Variants in SPRYD4 observed in about 807,000 individuals in gnomAD.
SPRYD4 encodes the protein SPRY domain-containing protein 4.
A neutral mutation model predicts 16.6 loss-of-function variants in SPRYD4; 12 were observed. The observed-to-expected ratio is 0.72, with a 90% CI of 0.46 to 1.17. SPRYD4 has a LOEUF of 1.17. Among genes scored for constraint, SPRYD4 ranks in the 50% most tolerant of loss-of-function variants. The pLI is 0.00. For synonymous variants in SPRYD4, 98 were observed against 105.4 expected (o/e 0.93, Z 0.43); for missense variants, 260 against 260.2 (o/e 1.00, Z 0.00).
rs1471827078 is a variant in SPRYD4 at position 56,474,951 on chromosome 12, T to C, written c.*5374T>C. 1 of 1,613,738 alleles carries C rather than the reference T, an allele frequency of 6.2e-7. No individual in the cohort carries two copies. ...CTTCAGGACATCAGCCCTTTCACACTGTCAGGGTCTCAGCTGAAGCCCCCA... is the reference window on the plus strand; with the variant it reads ...CTTCAGGACATCAGCCCTTTCACACCGTCAGGGTCTCAGCTGAAGCCCCCA... On this transcript the variant is annotated 3_prime_UTR_variant, in exon 2 of 2. Coordinates refer to ENST00000338146, the MANE Select transcript of SPRYD4 (RefSeq NM_207344.4).
intron 1 of SPRYD4, 87 bp from the exon 2 acceptor site, chr12:56,468,952 C>G: frequency 6.8e-7 from 1 of 1,471,926 alleles, no homozygotes; most frequent in Non-Finnish European, 9.1e-7. Flanking sequence ...GCTCGTGTAT[C>G]ATGGCTGCCT....
chr12:56,471,476 A>G lies in SPRYD4; in HGVS notation c.*1899A>G, dbSNP rs200085507. 3.5e-4 allele frequency: 568 copies of G among 1,607,968 alleles called. No individual in the cohort carries two copies. In the Middle Eastern group the frequency reaches 3.5e-3, roughly 10 times the overall value. On this transcript the variant is annotated 3_prime_UTR_variant, in exon 2 of 2. Transcript: ENST00000338146. ...GCTTTTTCTTGAGCAGGGGCTGTCC[A>G]TGACCTGTGCTCATACCATGCTTTC...
chr12:56,472,440 AGGCAGGGTACCTACTTCCT>A lies in SPRYD4; in HGVS notation c.*2864_*2882del, dbSNP rs2136177592. On this transcript the variant is annotated 3_prime_UTR_variant, in exon 2 of 2. Transcript: ENST00000338146. The stretch of plus-strand genomic sequence containing the variant: ...CCTACCTGTGGTAAGTGCCCATTTG[AGGCAGGGTACCTACTTCCT>A]AGGACACTGCTCTTAACACTCAATA... 3.3e-6 allele frequency: 2 copies of A among 604,240 alleles called. No individual in the cohort carries two copies. The highest frequency in any genetic ancestry group is 5.5e-5 in the East Asian group (2 of 36,086). The allele number at this position is 604,240 out of a possible 1,614,324, so 37.4% of individuals were successfully genotyped here.
rs367693663 is a variant in SPRYD4, at chr12:56,475,707, G to A, written c.*6130G>A. On this transcript the variant is annotated 3_prime_UTR_variant, in exon 2 of 2. Coordinates refer to ENST00000338146, the MANE Select transcript of SPRYD4 (RefSeq NM_207344.4). ...CCTGGAAGAGAAAAAGGGACATTGA[G>A]GCTCCACTTGGTTAAGAAGCTCTAT... 2.5e-6 allele frequency: 4 copies of A among 1,613,366 alleles called. No homozygotes were observed. The highest frequency in any genetic ancestry group is 2.2e-5 in the East Asian group (1 of 44,900).
At position 56,475,554 on chromosome 12, in the gene SPRYD4, C is replaced by T. The variant is rs553166920; in HGVS notation, c.*5977C>T. 3.1e-5 allele frequency: 47 copies of T among 1,511,438 alleles called. No individual in the cohort carries two copies. The East Asian group carries it at 6.8e-4, about 22-fold the overall frequency. 93.6% of individuals were successfully genotyped at this position (1,511,438 alleles called of 1,614,324 possible). ...CTAAGATTCTCTCTCCCCCATTCCTCTTGTCCCCATCCTAAGTACACACAC... is the reference window on the plus strand; with the variant it reads ...CTAAGATTCTCTCTCCCCCATTCCTTTTGTCCCCATCCTAAGTACACACAC... On this transcript the variant is annotated 3_prime_UTR_variant, in exon 2 of 2. Coordinates refer to ENST00000338146, the MANE Select transcript of SPRYD4 (RefSeq NM_207344.4).
At position 56,472,126 on chromosome 12, in the gene SPRYD4, T is replaced by C. The variant is rs764372358; in HGVS notation, c.*2549T>C. 6.2e-7 allele frequency: 1 copy of C among 1,614,166 alleles called. No individual in the cohort carries two copies. Among genetic ancestry groups the C allele is most frequent in the Non-Finnish European group, 8.5e-7 (1 of 1,179,990 alleles). ...TCCTTAACCCTTCAGTACCTTCAGCTGCAGCAACATGCAGAGCTGTGCGCG... is the reference window on the plus strand; with the variant it reads ...TCCTTAACCCTTCAGTACCTTCAGCCGCAGCAACATGCAGAGCTGTGCGCG... On this transcript the variant is annotated 3_prime_UTR_variant, in exon 2 of 2. Coordinates refer to ENST00000338146, the MANE Select transcript of SPRYD4 (RefSeq NM_207344.4).
chr12:56,474,726 AAAAC>A lies in SPRYD4; in HGVS notation c.*5153_*5156del, dbSNP rs750942700. 1.9e-5 allele frequency: 30 copies of A among 1,608,418 alleles called. 1 individual carries two copies. In the Admixed American group the frequency reaches 3.2e-4, roughly 17 times the overall value. On this transcript the variant is annotated 3_prime_UTR_variant, in exon 2 of 2. Coordinates refer to ENST00000338146, the MANE Select transcript of SPRYD4 (RefSeq NM_207344.4). ...GTGACCTCCACAGAACACAGCTATG[AAAAC>A]AAAGAATAGGTGAAGATGTGACGTG...
At chr12:56,468,987 G>A in intron 1 of SPRYD4, 52 bp from the exon 2 acceptor site, 2 of 1,513,812 alleles carry the variant, frequency 1.3e-6, no homozygotes, top group Non-Finnish European at 1.8e-6. Context: ...TATATCACCA[G>A]CCCTAGGGTT....
At position 56,468,625 on chromosome 12, in the gene SPRYD4, T is replaced by C. The variant is rs1869099061; in HGVS notation, c.34T>C (p.Cys12Arg). 3 of 1,613,872 alleles carry C rather than the reference T, an allele frequency of 1.9e-6. No homozygotes were observed. The South Asian group carries it at 3.3e-5, about 18-fold the overall frequency. Residue 12 changes from cysteine (C) to arginine (R), a missense_variant, in exon 1 of 2, where the codon TGC (cysteine) becomes CGC (arginine). Transcript: ENST00000338146. ...GCTTTTTGCACGTTCTTTGCGCTTG[T>C]GCCGCTGGGGAGCCAAACGATTGGG... Reference protein sequence around the residue: ...ALLFARSLRLCRWGAKRLGVA... With the variant: ...ALLFARSLRLRRWGAKRLGVA...
In SPRYD4 at chr12:56,475,944, C is replaced by A. The variant is rs372265724; in HGVS notation, c.*6367C>A. On this transcript the variant is annotated 3_prime_UTR_variant, in exon 2 of 2. Transcript: ENST00000338146. Reference sequence around the variant, plus strand: ...AGGGGCTAAGTAGCAAGGGAACTTACAAAATCAAACTTCTCTGCTTTGTTA... The same window carrying A: ...AGGGGCTAAGTAGCAAGGGAACTTAAAAAATCAAACTTCTCTGCTTTGTTA... 1 of 1,613,724 alleles carries A rather than the reference C, an allele frequency of 6.2e-7. No individual in the cohort carries two copies. The highest frequency in any genetic ancestry group is 8.5e-7 in the Non-Finnish European group (1 of 1,179,946).
chr12:56,479,148 C>G lies in SPRYD4; in HGVS notation c.*9571C>G. 6 of 1,614,026 alleles carry G rather than the reference C, an allele frequency of 3.7e-6. No individual in the cohort carries two copies. Among genetic ancestry groups the G allele is most frequent in the Non-Finnish European group, 5.1e-6 (6 of 1,180,028 alleles). On this transcript the variant is annotated 3_prime_UTR_variant, in exon 2 of 2. Coordinates refer to ENST00000338146, the MANE Select transcript of SPRYD4 (RefSeq NM_207344.4). ...GAATGACAAACTTCTTTCGGAATGC[C>G]TGGGTCAGGAGCACAATGTTGCTGC... is the stretch of plus-strand genomic sequence containing the variant.
In SPRYD4 at chr12:56,475,834, T is replaced by TA; in HGVS notation, c.*6258dup. On this transcript the variant is annotated 3_prime_UTR_variant, in exon 2 of 2. Transcript: ENST00000338146. ...TCCACATTTCTGGAAATAAGGCTTC[T>TA]AGTATGGGCTGGTGCACCTGGTAGT... The TA allele has an allele frequency of 7.1e-7, 1 of 1,407,852 alleles. No homozygotes were observed. The highest frequency in any genetic ancestry group is 1.2e-5 in the South Asian group (1 of 86,142). 87.2% of individuals were successfully genotyped at this position (1,407,852 alleles called of 1,614,324 possible).
Position 56,474,516 on chromosome 12 carries a change from CAGAT to C in SPRYD4, c.*4940_*4943del, listed in dbSNP as rs777007837. 36 of 1,612,430 alleles carry C rather than the reference CAGAT, an allele frequency of 2.2e-5. No homozygotes were observed. Among genetic ancestry groups the C allele is most frequent in the Admixed American group, 1.2e-4 (7 of 59,998 alleles). On this transcript the variant is annotated 3_prime_UTR_variant, in exon 2 of 2. Coordinates refer to ENST00000338146, the MANE Select transcript of SPRYD4 (RefSeq NM_207344.4). ...TCTCTTCTTAGCACTGGGCTCATGA[CAGAT>C]GGATAGCAGAGCCAGAAACTCACGT...
At position 56,478,571 on chromosome 12, in the gene SPRYD4, A is replaced by G; in HGVS notation, c.*8994A>G. 1 of 352,140 alleles carries G rather than the reference A, an allele frequency of 2.8e-6. No individual in the cohort carries two copies. 21.8% of individuals were successfully genotyped at this position (352,140 alleles called of 1,614,324 possible). On this transcript the variant is annotated 3_prime_UTR_variant, in exon 2 of 2. Coordinates refer to ENST00000338146, the MANE Select transcript of SPRYD4 (RefSeq NM_207344.4). ...CCCTATAAATCCCTTTGAAGGCTCTATTCGATCTTGATTCCCTCACCTGCT... is the reference window on the plus strand; with the variant it reads ...CCCTATAAATCCCTTTGAAGGCTCTGTTCGATCTTGATTCCCTCACCTGCT...
Position 56,474,443 on chromosome 12 carries a change from G to T in SPRYD4, c.*4866G>T. The T allele has an allele frequency of 1.4e-6, 2 of 1,435,336 alleles. No homozygotes were observed. Among genetic ancestry groups the T allele is most frequent in the Non-Finnish European group, 1.9e-6 (2 of 1,052,188 alleles). 88.9% of individuals were successfully genotyped at this position (1,435,336 alleles called of 1,614,324 possible). A position where few individuals can be genotyped will look rare whatever the true frequency, so the allele number is the denominator to read the frequency against. ...ATTGCCTTCCTGGAAGTTAGTGAAT[G>T]AGAGGCAGGAACAAGCTTCCACCTC... On this transcript the variant is annotated 3_prime_UTR_variant, in exon 2 of 2. Transcript: ENST00000338146.
rs1565702157 is a variant in SPRYD4 at position 56,474,155 on chromosome 12, C to G, written c.*4578C>G. 9.2e-6 allele frequency: 2 copies of G among 216,676 alleles called. No homozygotes were observed. Among genetic ancestry groups the G allele is most frequent in the Non-Finnish European group, 1.8e-5 (2 of 108,190 alleles). The allele number at this position is 216,676 out of a possible 1,614,324, so 13.4% of individuals were successfully genotyped here. ...TTGCCCAGGCTACAGTGCAATGGCACAATCTCGGCTCAGTGCAACCTCTGC... is the reference window on the plus strand; with the variant it reads ...TTGCCCAGGCTACAGTGCAATGGCAGAATCTCGGCTCAGTGCAACCTCTGC... On this transcript the variant is annotated 3_prime_UTR_variant, in exon 2 of 2. Transcript: ENST00000338146.
Position 56,473,255 on chromosome 12 carries a change from G to A in SPRYD4, c.*3678G>A, listed in dbSNP as rs747322464. ...GAATTTCTGCCCCTTCACGCCGTGG[G>A]TCTAACTTCCGAGCACAGTGCCTCA... On this transcript the variant is annotated 3_prime_UTR_variant, in exon 2 of 2. Coordinates refer to ENST00000338146, the MANE Select transcript of SPRYD4 (RefSeq NM_207344.4). 9.9e-6 allele frequency: 16 copies of A among 1,613,988 alleles called. No homozygotes were observed. The highest frequency in any genetic ancestry group is 1.6e-4 in the Middle Eastern group (1 of 6,084).
Position 56,472,794 on chromosome 12 carries a change from C to G in SPRYD4, c.*3217C>G, listed in dbSNP as rs1275705992. 1 of 1,576,456 alleles carries G rather than the reference C, an allele frequency of 6.3e-7. No homozygotes were observed. Among genetic ancestry groups the G allele is most frequent in the Admixed American group, 1.7e-5 (1 of 59,912 alleles). ...CCCACATGACATTAATTGAACTCAC[C>G]TATGCCAGCTGTGCCCTGTGACCCT... On this transcript the variant is annotated 3_prime_UTR_variant, in exon 2 of 2. Transcript: ENST00000338146.
Position 56,477,814 on chromosome 12 carries a change from G to C in SPRYD4, c.*8237G>C. 1.3e-6 allele frequency: 2 copies of C among 1,542,994 alleles called. No individual in the cohort carries two copies. Among genetic ancestry groups the C allele is most frequent in the Non-Finnish European group, 8.8e-7 (1 of 1,132,902 alleles). ...GGGTTAGACAAGAAAGACTGCTAGG[G>C]AGAAAGGCATGACAGGGCTAATCAG... is the stretch of plus-strand genomic sequence containing the variant. On this transcript the variant is annotated 3_prime_UTR_variant, in exon 2 of 2. Transcript: ENST00000338146.
Sources: gnomAD v4.1 joint callset for allele counts on GRCh38, gnomAD v4.1.1 for gene constraint, MANE v1.5 for transcripts, NCBI Gene and HGNC (gene_info 2026-07-23, HGNC 2026-07-21) for gene names.